LEO1: variants seen among roughly 807,000 people sequenced by gnomAD.
LEO1 encodes RNA polymerase-associated protein LEO1.
LEO1 carries 34 observed loss-of-function variants against 80.4 expected under a neutral mutation model. That is an observed-to-expected ratio of 0.42 (90% CI 0.32 to 0.56). The LOEUF (loss-of-function observed/expected upper bound fraction) is 0.56, where lower values mean the gene tolerates loss of function less well. Ranked by LOEUF, LEO1 falls within the 20% of genes least tolerant of loss-of-function variation. The probability of loss-of-function intolerance (pLI) is 0.10; values close to 1 mark genes in which losing one functional copy is unlikely to be tolerated. For synonymous variants in LEO1, 262 were observed against 274.9 expected (o/e 0.95, Z 0.46); for missense variants, 631 against 814.2 (o/e 0.77, Z 2.74).
At chr15:51,949,681 CAG>C (rs2056931191) in intron 10 of LEO1, 125 bp downstream of exon 10, 1 of 785,342 alleles carries the variant, frequency 1.3e-6, no homozygotes, top group South Asian at 1.7e-5. Flanking sequence ...GCCTGGGTGA[CAG>C]AGCGAGACTC....
chr15:51,950,043 T>G, intron 9 of LEO1, 49 bp from the exon 10 acceptor site: 1 of 1,508,690 alleles, frequency 6.6e-7, no homozygotes, highest in East Asian at 2.3e-5. Context: ...GCTACTTTTG[T>G]GCCCACTTGA....
chr15:51,938,271 A>T lies in LEO1; in HGVS notation c.1897-11T>A. 1 of 1,452,388 alleles carries T rather than the reference A, an allele frequency of 6.9e-7. No homozygotes were observed. The highest frequency in any genetic ancestry group is 9.5e-7 in the Non-Finnish European group (1 of 1,049,792). 90.0% of individuals were successfully genotyped at this position (1,452,388 alleles called of 1,614,324 possible). The stretch of plus-strand genomic sequence containing the variant: ...GGAAGGTTCACCTTCCTAAACAGAT[A>T]CAATTTTTACAAATCTACAAGTCAA... On this transcript the variant is annotated splice_polypyrimidine_tract_variant and intron_variant, in intron 11 of 11. Transcript: ENST00000299601.
At position 51,947,287 on chromosome 15, in the gene LEO1, C is replaced by G; in HGVS notation, c.1896+5G>C. 1.9e-6 allele frequency: 3 copies of G among 1,600,226 alleles called. No individual in the cohort carries two copies. The highest frequency in any genetic ancestry group is 2.6e-6 in the Non-Finnish European group (3 of 1,167,400). Reference sequence around the variant, plus strand: ...ACCCCTAGAATTGAATAAATTTGGTCTTACCTCATCACTGGTAAGTTTCTT... The same window carrying G: ...ACCCCTAGAATTGAATAAATTTGGTGTTACCTCATCACTGGTAAGTTTCTT... On this transcript the variant is annotated splice_donor_5th_base_variant and intron_variant, in intron 11 of 11. Coordinates refer to ENST00000299601, the MANE Select transcript of LEO1 (RefSeq NM_138792.4).
At chr15:51,965,469 T>C (rs572446330) in intron 2 of LEO1, among the ~76,000 whole-genome samples, 2 of 152,182 alleles carry the variant, frequency 1.3e-5, no homozygotes, top group African/African-American at 2.4e-5. Context: ...CAGCTCTTCT[T>C]ACACCATATC....
intron 11 of LEO1, among the ~76,000 whole-genome samples, chr15:51,940,971 G>T (rs960359596): frequency 1.3e-5 from 2 of 152,002 alleles, no homozygotes; most frequent in African/African-American, 4.8e-5. Flanking sequence ...GGATTTGGAG[G>T]CTGAGGCAGG....
intron 11 of LEO1, among the ~76,000 whole-genome samples, chr15:51,941,379 T>G (rs2056851066): frequency 6.6e-6 from 1 of 152,154 alleles, no homozygotes; most frequent in Admixed American, 6.5e-5. Flanking sequence ...CAGTCCACAG[T>G]TATGAAGATA....
intron 11 of LEO1, among the ~76,000 whole-genome samples, chr15:51,942,614 C>T (rs899414780): frequency 1.3e-5 from 2 of 152,124 alleles, no homozygotes; most frequent in African/African-American, 4.8e-5. Flanking sequence ...AAAACAAATA[C>T]GTTGCAGAAC....
At chr15:51,962,600 C>T (rs1317860660) in intron 2 of LEO1, 107 bp from the exon 3 acceptor site, 3 of 690,460 alleles carry the variant, frequency 4.3e-6, no homozygotes, top group Non-Finnish European at 7.4e-6. Flanking sequence ...TGGACTACTA[C>T]TCAGCAATAA....
At chr15:51,942,301 G>A (rs2056859536) in intron 11 of LEO1, among the ~76,000 whole-genome samples, 1 of 152,142 alleles carries the variant, frequency 6.6e-6, no homozygotes, top group Admixed American at 6.5e-5. Context: ...TTTGGGTAAG[G>A]GAGGTAGAGG....
intron 6 of LEO1, among the ~76,000 whole-genome samples, chr15:51,956,720 G>A (rs1202431778): frequency 2.0e-5 from 3 of 152,152 alleles, no homozygotes; most frequent in Non-Finnish European, 4.4e-5. Flanking sequence ...TAAGGGTCCA[G>A]GGTTATTTCC....
In LEO1 at chr15:51,949,800, C is replaced by T. The variant is rs144631605; in HGVS notation, c.1798+8G>A. ...AATGATGAAATGTAATTTCCATACACGACTCACCTCGAATGCCCCCTTTAT... is the reference window on the plus strand; with the variant it reads ...AATGATGAAATGTAATTTCCATACATGACTCACCTCGAATGCCCCCTTTAT... On this transcript the variant is annotated splice_region_variant and intron_variant, in intron 10 of 11. Coordinates refer to ENST00000299601, the MANE Select transcript of LEO1 (RefSeq NM_138792.4). 5,709 of 1,610,708 alleles carry T rather than the reference C, an allele frequency of 3.5e-3. 12 individuals are homozygous for T. The highest frequency in any genetic ancestry group is 4.1e-3 in the Non-Finnish European group (4,782 of 1,178,252).
chr15:51,955,347 A>G (rs887671773), intron 6 of LEO1, among the ~76,000 whole-genome samples: 1 of 152,222 alleles, frequency 6.6e-6, no homozygotes, highest in African/African-American at 2.4e-5. Flanking sequence ...AGAGAGATAA[A>G]CTTCCCATAT....
chr15:51,949,018 G>C (rs914546769), intron 10 of LEO1, among the ~76,000 whole-genome samples: 1 of 152,080 alleles, frequency 6.6e-6, no homozygotes, highest in Non-Finnish European at 1.5e-5. Flanking sequence ...AAGGAAATAA[G>C]AGCAACTAGA....
chr15:51,958,729 C>T lies in LEO1; in HGVS notation c.1245+13G>A, dbSNP rs547772321. ...TTATAAAAGAAAAAAAAGGAAAAAG[C>T]ATGAAATGGTACCTTTAATTTTAAC... is the stretch of plus-strand genomic sequence containing the variant. On this transcript the variant is annotated intron_variant, in intron 6 of 11. Transcript: ENST00000299601. 1.3e-6 allele frequency: 2 copies of T among 1,512,794 alleles called. No homozygotes were observed. Among genetic ancestry groups the T allele is most frequent in the South Asian group, 2.4e-5 (2 of 83,282 alleles). The allele number at this position is 1,512,794 out of a possible 1,614,324, so 93.7% of individuals were successfully genotyped here. A position where few individuals can be genotyped will look rare whatever the true frequency, so the allele number is the denominator to read the frequency against.
At chr15:51,966,936 A>G (rs2057083049) in intron 1 of LEO1, among the ~76,000 whole-genome samples, 1 of 151,894 alleles carries the variant, frequency 6.6e-6, no homozygotes, top group African/African-American at 2.4e-5. Flanking sequence ...AAAGAAAAAG[A>G]AAAATATATT....
intron 11 of LEO1, among the ~76,000 whole-genome samples, chr15:51,944,923 T>G (rs1259285694): frequency 6.6e-6 from 1 of 152,182 alleles, no homozygotes; most frequent in Admixed American, 6.5e-5. Context: ...TAGGTAGTCT[T>G]TTAAGACTCC....
At chr15:51,954,608 T>C (rs977147107) in intron 6 of LEO1, 33 bp from the exon 7 acceptor site, 4 of 1,405,334 alleles carry the variant, frequency 2.8e-6, no homozygotes, top group African/African-American at 2.8e-5. Context: ...TAGAAAATTA[T>C]AGTTTAAATG....
At chr15:51,954,844 A>G in intron 6 of LEO1, 1 of 378,600 alleles carries the variant, frequency 2.6e-6, no homozygotes, top group Non-Finnish European at 4.8e-6. Flanking sequence ...CAGATGGCAG[A>G]TACTAAATGT....
At chr15:51,943,318 G>T (rs2056871645) in intron 11 of LEO1, among the ~76,000 whole-genome samples, 1 of 151,672 alleles carries the variant, frequency 6.6e-6, no homozygotes, top group South Asian at 2.1e-4. Flanking sequence ...GGCGGAAGTT[G>T]CAGTGAGCCA....
Sources: gnomAD v4.1 joint callset for allele counts (sites outside exome capture counted in the v4.1 genomes callset) on GRCh38, gnomAD v4.1.1 for gene constraint, MANE v1.5 for transcripts, NCBI Gene and HGNC (gene_info 2026-07-23, HGNC 2026-07-21) for gene names.